Variants in OPCML observed in about 807,000 individuals in gnomAD.
OPCML encodes opioid-binding protein/cell adhesion molecule.
Under a neutral mutation model 37.8 loss-of-function variants are expected in OPCML, and 13 were observed. That is an observed-to-expected ratio of 0.34 (90% confidence interval 0.22 to 0.55). OPCML has a LOEUF of 0.55. Ranked by LOEUF, OPCML falls within the 20% of genes least tolerant of loss-of-function variation. The pLI, the probability that OPCML is intolerant of heterozygous loss-of-function variation, is 0.91. For synonymous variants in OPCML, 176 were observed against 168.8 expected (o/e 1.04, Z -0.33); for missense variants, 341 against 435.6 (o/e 0.78, Z 1.93).
chr11:133,371,945 T>C (rs1475308861), intron 1 of OPCML, among the ~76,000 whole-genome samples: 2 of 152,162 alleles, frequency 1.3e-5, no homozygotes, highest in Admixed American at 6.6e-5. Context: ...TTGCATGTTG[T>C]TACTTACACG....
intron 1 of OPCML, among the ~76,000 whole-genome samples, chr11:133,059,937 T>G (rs1948309346): frequency 1.3e-5 from 2 of 152,332 alleles, no homozygotes; most frequent in African/African-American, 4.8e-5. Context: ...TTTGGAAAAC[T>G]TTAATCAGCT....
rs567633609 is a variant in OPCML, at chr11:133,317,716, C to A, written c.61+214548G>T. ...TCGCTCCACCATGTAAACTTAAAACCAGATGAGATAATTCAGCAACAAACA... is the reference window on the plus strand; with the variant it reads ...TCGCTCCACCATGTAAACTTAAAACAAGATGAGATAATTCAGCAACAAACA... On this transcript the variant is annotated intron_variant, in intron 1 of 7. Coordinates refer to ENST00000524381, the MANE Select transcript of OPCML (RefSeq NM_001012393.5). 2.0e-5 allele frequency among the ~76,000 whole-genome samples: 3 copies of A among 152,292 alleles called. No homozygotes were observed. The South Asian group carries it at 6.2e-4, about 32-fold the overall frequency.
intron 2 of OPCML, among the ~76,000 whole-genome samples, chr11:132,729,038 A>C (rs1944981581): frequency 1.3e-5 from 2 of 152,176 alleles, no homozygotes; most frequent in Admixed American, 6.5e-5. Flanking sequence ...GGAAAAGGAA[A>C]GTGAACAAGT....
At chr11:132,980,729 G>A (rs1328005598) in intron 1 of OPCML, among the ~76,000 whole-genome samples, 2 of 152,160 alleles carry the variant, frequency 1.3e-5, no homozygotes, top group Non-Finnish European at 2.9e-5. Flanking sequence ...AGATAATTTG[G>A]TAAATGGCAC....
At chr11:133,012,106 C>T (rs1947230003) in intron 1 of OPCML, among the ~76,000 whole-genome samples, 1 of 152,090 alleles carries the variant, frequency 6.6e-6, no homozygotes, top group Non-Finnish European at 1.5e-5. Flanking sequence ...TTGGGCAATG[C>T]CTGAAGATAT....
chr11:132,849,550 T>C (rs1941703721), intron 2 of OPCML, among the ~76,000 whole-genome samples: 1 of 152,068 alleles, frequency 6.6e-6, no homozygotes, highest in African/African-American at 2.4e-5. Flanking sequence ...TCAAGTGGGG[T>C]ATATGGAGGG....
At chr11:133,284,611 T>C (rs1942248564) in intron 1 of OPCML, among the ~76,000 whole-genome samples, 1 of 152,196 alleles carries the variant, frequency 6.6e-6, no homozygotes, top group Admixed American at 6.5e-5. Context: ...CTCATTCATT[T>C]ACCTGGCGTT....
At chr11:132,499,805 G>C (rs773250401) in intron 4 of OPCML, among the ~76,000 whole-genome samples, 1 of 152,172 alleles carries the variant, frequency 6.6e-6, no homozygotes, top group African/African-American at 2.4e-5. Flanking sequence ...GCTCATGTCC[G>C]TGACTATGTT....
intron 4 of OPCML, among the ~76,000 whole-genome samples, chr11:132,521,854 T>C (rs901921731): frequency 1.3e-5 from 2 of 152,246 alleles, no homozygotes; most frequent in Non-Finnish European, 2.9e-5. Flanking sequence ...AGTTTTTGCA[T>C]GTACTTATTT....
At chr11:133,326,914 G>A (rs1943481255) in intron 1 of OPCML, among the ~76,000 whole-genome samples, 1 of 146,122 alleles carries the variant, frequency 6.8e-6, no homozygotes, top group African/African-American at 2.5e-5. Context: ...AGGGTGTGTG[G>A]GGCGGCGAGT....
intron 2 of OPCML, among the ~76,000 whole-genome samples, chr11:132,935,685 C>G (rs1945345677): frequency 6.6e-6 from 1 of 152,186 alleles, no homozygotes. Flanking sequence ...ATGGTTTTCT[C>G]TGGGGTATGA....
Position 133,237,067 on chromosome 11 carries a change from A to T in OPCML, c.62-294057T>A, listed in dbSNP as rs149168275. Among the ~76,000 whole-genome samples the T allele has an allele frequency of 3.4e-3, 521 of 152,306 alleles. 3 individuals are homozygous for T. The highest frequency in any genetic ancestry group is 4.8e-3 in the Non-Finnish European group (326 of 68,024). ...GCACCGAGGAACAAACATTTCAAAC[A>T]TGGGGAAGGAGTCCTCTGCCTGAGC... On this transcript the variant is annotated intron_variant, in intron 1 of 7. Coordinates refer to ENST00000524381, the MANE Select transcript of OPCML (RefSeq NM_001012393.5).
chr11:132,966,326 A>G (rs976042620), intron 1 of OPCML, among the ~76,000 whole-genome samples: 7 of 151,918 alleles, frequency 4.6e-5, no homozygotes, highest in African/African-American at 1.4e-4. Flanking sequence ...CCATTTTTTT[A>G]AATTTCTCAA....
chr11:133,329,514 C>T (rs528471423), intron 1 of OPCML, among the ~76,000 whole-genome samples: 5 of 152,114 alleles, frequency 3.3e-5, no homozygotes, highest in Non-Finnish European at 7.3e-5. Flanking sequence ...GAACAGAGTC[C>T]TCAGAAATAA....
At position 133,440,493 on chromosome 11, in the gene OPCML, G is replaced by A. The variant is rs566091647; in HGVS notation, c.61+91771C>T. 2.7e-4 allele frequency among the ~76,000 whole-genome samples: 41 copies of A among 151,668 alleles called. No homozygotes were observed. The Middle Eastern group carries it at 0.014, about 50-fold the overall frequency. ...TGTAATCCCAGCACTTTGGGAGGCC[G>A]AGGTGGGTGGATCAACTGAGGTCAA... On this transcript the variant is annotated intron_variant, in intron 1 of 7. Coordinates refer to ENST00000524381, the MANE Select transcript of OPCML (RefSeq NM_001012393.5).
At chr11:133,497,060 A>G (rs554866925) in intron 1 of OPCML, among the ~76,000 whole-genome samples, 1 of 152,272 alleles carries the variant, frequency 6.6e-6, no homozygotes, top group Non-Finnish European at 1.5e-5. Flanking sequence ...CTTTTATTAC[A>G]TTAAAGTGTG....
At chr11:132,740,343 C>G (rs549692032) in intron 2 of OPCML, among the ~76,000 whole-genome samples, 1 of 152,260 alleles carries the variant, frequency 6.6e-6, no homozygotes, top group Admixed American at 6.5e-5. Flanking sequence ...TTCTCAGAGC[C>G]ACATCTTCCG....
At chr11:132,484,895 A>T (rs2096194359) in intron 4 of OPCML, among the ~76,000 whole-genome samples, 1 of 152,202 alleles carries the variant, frequency 6.6e-6, no homozygotes, top group Non-Finnish European at 1.5e-5. Context: ...AGGAAGGGGA[A>T]CATCACACTC....
chr11:133,027,081 G>A (rs1158104244), intron 1 of OPCML, among the ~76,000 whole-genome samples: 9 of 152,164 alleles, frequency 5.9e-5, no homozygotes, highest in Admixed American at 5.9e-4. Context: ...CACTAGCTCT[G>A]TGACCTTCAG....
Sources: gnomAD v4.1 joint callset for allele counts (sites outside exome capture counted in the v4.1 genomes callset) on GRCh38, gnomAD v4.1.1 for gene constraint, MANE v1.5 for transcripts, NCBI Gene and HGNC (gene_info 2026-07-23, HGNC 2026-07-21) for gene names.